RBM14: variants seen among roughly 807,000 people sequenced by gnomAD.
RBM14 encodes RNA-binding protein 14.
A neutral mutation model predicts 52.8 loss-of-function variants in RBM14; 5 were observed. That is an observed-to-expected ratio of 0.09 (90% CI 0.05 to 0.20). The LOEUF is 0.20. Ranked by LOEUF, RBM14 falls within the 10% of genes least tolerant of loss-of-function variation. RBM14 has a pLI of 1.00. For synonymous variants in RBM14, 411 were observed against 401.8 expected, an observed-to-expected ratio of 1.02 and a Z score of -0.28; for missense variants, 780 against 926.6, an observed-to-expected ratio of 0.84 and a Z score of 2.05.
rs547577366 is a variant in RBM14, at chr11:66,626,013, G to A, written c.1802+335G>A. The stretch of plus-strand genomic sequence containing the variant: ...TCTCAAGGATCCTTAAGCCTATTAC[G>A]TGGTTGTCCTGGCTTTGGCAGGGAT... On this transcript the variant is annotated intron_variant, in intron 2 of 2. Coordinates refer to ENST00000310137, the MANE Select transcript of RBM14 (RefSeq NM_006328.4). Among the ~76,000 whole-genome samples the A allele has an allele frequency of 1.8e-3, 280 of 152,292 alleles. 1 individual carries two copies. Among genetic ancestry groups the A allele is most frequent in the Non-Finnish European group, 3.0e-3 (206 of 68,026 alleles).
chr11:66,617,354 C>T, intron 1 of RBM14: 1 of 1,231,532 alleles, frequency 8.1e-7, no homozygotes, highest in Non-Finnish European at 1.0e-6. Flanking sequence ...CGCGCCTTCT[C>T]CTGGTCTCCT....
intron 1 of RBM14, among the ~76,000 whole-genome samples, chr11:66,618,130 A>G (rs975610393): frequency 6.6e-6 from 1 of 152,112 alleles, no homozygotes; most frequent in Non-Finnish European, 1.5e-5. Context: ...TTTATCTTTT[A>G]CATTGGCAAG....
At chr11:66,618,036 C>T (rs1267168089) in intron 1 of RBM14, among the ~76,000 whole-genome samples, 4 of 152,108 alleles carry the variant, frequency 2.6e-5, no homozygotes, top group Non-Finnish European at 4.4e-5. Context: ...GCCTTTTCTT[C>T]GAGAAAAATG....
Position 66,626,575 on chromosome 11 carries a change from C to G in RBM14, c.1917C>G (p.Pro639=). ...CCTCGCTGGATTACCGTCGCCTGCCCGATGCCCATTCCGATTACGCACGCT... is the reference window on the plus strand; with the variant it reads ...CCTCGCTGGATTACCGTCGCCTGCCGGATGCCCATTCCGATTACGCACGCT... ...TKSSLDYRRL[P]DAHSDYARYS... Residue 639 remains proline (P), a synonymous_variant, in exon 3 of 3, where the codon CCC becomes CCG. Transcript: ENST00000310137. 6.2e-7 allele frequency: 1 copy of G among 1,613,968 alleles called. No individual in the cohort carries two copies. The highest frequency in any genetic ancestry group is 1.1e-5 in the South Asian group (1 of 91,084).
chr11:66,624,610 T>C lies in RBM14; in HGVS notation c.734T>C (p.Leu245Pro). 1.2e-6 allele frequency: 2 copies of C among 1,612,458 alleles called. No individual in the cohort carries two copies. Among genetic ancestry groups the C allele is most frequent in the Non-Finnish European group, 1.7e-6 (2 of 1,179,968 alleles). ...ATYRAQPSVS[L>P]GAAYRAQPSA... ...TACCGGGCCCAGCCGTCCGTGTCAC[T>C]GGGAGCTGCCTACAGGGCCCAGCCT... The change falls in exon 2 of 3, where the codon CTG becomes CCG. Residue 245 changes from leucine (L) to proline (P), a missense_variant. Leu to Pro is a moderately conservative substitution (Grantham distance 98). Transcript: ENST00000310137. This position sits in a 1 kb window ranked among gnomAD's most constrained non-coding sequence, Gnocchi z 4.7.
intron 1 of RBM14, among the ~76,000 whole-genome samples, chr11:66,622,767 G>A (rs1200731700): frequency 1.3e-5 from 2 of 152,202 alleles, no homozygotes; most frequent in Non-Finnish European, 2.9e-5. Flanking sequence ...TAAAAATGAG[G>A]ACCCTTGTTT....
chr11:66,617,866 C>A (rs1172635865), intron 1 of RBM14, among the ~76,000 whole-genome samples: 1 of 152,116 alleles, frequency 6.6e-6, no homozygotes, highest in Non-Finnish European at 1.5e-5. Context: ...CAGTGTCATT[C>A]TTTTATAAGC....
rs1362840104 is a variant in RBM14 at position 66,625,321 on chromosome 11, T to C, written c.1445T>C (p.Leu482Pro). 3.7e-6 allele frequency: 6 copies of C among 1,610,842 alleles called. No individual in the cohort carries two copies. In the East Asian group the frequency reaches 1.1e-4, roughly 30 times the overall value. The change falls in exon 2 of 3, where the codon CTT (leucine) becomes CCT (proline). Residue 482 changes from leucine to proline, a missense_variant. By Grantham distance (98) the Leu-to-Pro change is moderately conservative. Coordinates refer to ENST00000310137, the MANE Select transcript of RBM14 (RefSeq NM_006328.4). This position sits in a 1 kb window ranked among gnomAD's most constrained non-coding sequence, Gnocchi z 4.2. ...NSYGAQASMGLSGSYGAQSAA... is the reference protein window; with the variant it reads ...NSYGAQASMGPSGSYGAQSAA... ...TACGGGGCCCAAGCATCAATGGGCC[T>C]TTCAGGCTCCTATGGGGCTCAGTCG...
rs200175902 is a variant in RBM14, at chr11:66,620,314, A to AT, written c.337+3266dup. 9.3e-4 allele frequency among the ~76,000 whole-genome samples: 140 copies of AT among 150,780 alleles called. 2 individuals carry two copies. In the South Asian group the frequency reaches 0.024, roughly 26 times the overall value. ...TTTTTATGTTATTTATATATTTATT[A>AT]TTTTTTTTTATGAGACAGAGTCTCA... On this transcript the variant is annotated intron_variant, in intron 1 of 2. Transcript: ENST00000310137.
chr11:66,618,601 T>G, intron 1 of RBM14: 1 of 716,762 alleles, frequency 1.4e-6, no homozygotes, highest in Non-Finnish European at 2.6e-6. Flanking sequence ...AAAAGAGTGG[T>G]GGGGGAGGGT....
At chr11:66,619,891 A>C (rs113980659) in intron 1 of RBM14, among the ~76,000 whole-genome samples, 2,078 of 152,362 alleles carry the variant, frequency 0.014, 51 homozygotes, top group African/African-American at 0.047. Flanking sequence ...TTTAGTCTTA[A>C]GATAGGAGAA....
intron 1 of RBM14, among the ~76,000 whole-genome samples, chr11:66,619,842 A>C (rs1859021859): frequency 6.6e-6 from 1 of 152,268 alleles, no homozygotes; most frequent in Non-Finnish European, 1.5e-5. Context: ...CTGGGATTAC[A>C]GGCGCAAGCC....
chr11:66,623,883 G>A (rs1000721055), intron 1 of RBM14: 2 of 717,464 alleles, frequency 2.8e-6, no homozygotes, highest in African/African-American at 3.5e-5. Flanking sequence ...ATTTTGTTCT[G>A]CTGGTTTGTA....
rs757747605 is a variant in RBM14, at chr11:66,616,981, G to T, written c.261G>T (p.Ser87=). ...GGAAGATTTTCGTGGGCAATGTGTC[G>T]GCTGCATGCACGAGCCAGGAACTGC... ...NTWKIFVGNV[S]AACTSQELRS... is the part of the protein sequence containing the mutation. The change falls in exon 1 of 3, where the codon TCG becomes TCT. Residue 87 remains serine (S), a synonymous_variant. Transcript: ENST00000310137. 3.1e-6 allele frequency: 5 copies of T among 1,612,270 alleles called. No homozygotes were observed. The highest frequency in any genetic ancestry group is 3.4e-6 in the Non-Finnish European group (4 of 1,179,568).
In RBM14 at chr11:66,624,363, G is replaced by A; in HGVS notation, c.487G>A (p.Asp163Asn). ...GCCTGGCCTGGCTGTCCAGTCTGGG[G>A]ACAAGACCAAGAAACCAGGGGCTGG... ...KGPGLAVQSG[D>N]KTKKPGAGDT... Residue 163 changes from aspartate to asparagine, a missense_variant, in exon 2 of 3, where the codon GAC (aspartate) becomes AAC (asparagine). Asp to Asn is a conservative substitution (Grantham distance 23, BLOSUM62 1). Around this residue, in one of 4 missense-constraint regions of RBM14, gnomAD observed 675 missense variants for 697.3 expected, o/e 0.97. Transcript: ENST00000310137. The surrounding 1 kb of genome is among the most constrained non-coding windows in gnomAD (Gnocchi z 4.7). 1.9e-6 allele frequency: 3 copies of A among 1,614,136 alleles called. No homozygotes were observed. Among genetic ancestry groups the A allele is most frequent in the Non-Finnish European group, 2.5e-6 (3 of 1,179,966 alleles).
chr11:66,617,306 C>T (rs1858883396), intron 1 of RBM14: 1 of 1,323,940 alleles, frequency 7.6e-7, no homozygotes, highest in Non-Finnish European at 9.6e-7. Context: ...GCTACGGGGC[C>T]GGGGACGCGC....
intron 1 of RBM14, among the ~76,000 whole-genome samples, chr11:66,621,458 A>G (rs909126188): frequency 6.6e-6 from 1 of 151,380 alleles, no homozygotes; most frequent in Non-Finnish European, 1.5e-5. Context: ...GCTCACTGCA[A>G]CCTCCGCCTC....
rs1937952627 is a variant in RBM14, at chr11:66,629,272, A to T, written c.*2604A>T. Among the ~76,000 whole-genome samples, 1 of 152,198 alleles carries T rather than the reference A, an allele frequency of 6.6e-6. No individual in the cohort carries two copies. Among genetic ancestry groups the T allele is most frequent in the Admixed American group, 6.5e-5 (1 of 15,282 alleles). The stretch of plus-strand genomic sequence containing the variant: ...TATCTTCAGATTATTCAGCTTCTCC[A>T]CCTATCACCTCTACAACTTGGCCTT... On this transcript the variant is annotated 3_prime_UTR_variant, in exon 3 of 3. Transcript: ENST00000310137.
Position 66,624,718 on chromosome 11 carries a change from T to G in RBM14, c.842T>G (p.Leu281Arg). The G allele has an allele frequency of 6.2e-7, 1 of 1,613,864 alleles. No homozygotes were observed. The highest frequency in any genetic ancestry group is 8.5e-7 in the Non-Finnish European group (1 of 1,179,938). The change falls in exon 2 of 3, where the codon CTT (leucine) becomes CGT (arginine). Residue 281 changes from leucine to arginine, a missense_variant. By Grantham distance (102) the Leu-to-Arg change is moderately radical. Around this residue, in one of 4 missense-constraint regions of RBM14, gnomAD observed 675 missense variants for 697.3 expected, o/e 0.97. Transcript: ENST00000310137. The surrounding 1 kb of genome is among the most constrained non-coding windows in gnomAD (Gnocchi z 4.7). ...ASYRAQPSVS[L>R]GAPYRGQLAS... ...TACCGCGCTCAGCCCTCTGTCTCCC[T>G]TGGGGCACCATACAGGGGCCAGCTG...
Sources: gnomAD v4.1 joint callset for allele counts (sites outside exome capture counted in the v4.1 genomes callset) on GRCh38, gnomAD v4.1.1 for gene constraint, gnomAD v4.1.1 regional missense constraint, Gnocchi (gnomAD v3.1) non-coding constraint, MANE v1.5 for transcripts, NCBI Gene and HGNC (gene_info 2026-07-23, HGNC 2026-07-21) for gene names.